The following CEP170B variants were observed in gnomAD, a reference collection of about 807,000 sequenced individuals.
CEP170B encodes centrosomal protein of 170 kDa protein B.
CEP170B carries 55 observed loss-of-function variants against 120.6 expected under a neutral mutation model. The ratio of observed to expected loss-of-function variants is 0.46; its 90% confidence interval spans 0.37 to 0.57. The LOEUF (loss-of-function observed/expected upper bound fraction) is 0.57. CEP170B is among the 20% of genes least tolerant of loss of function. CEP170B has a pLI of 0.00. For missense variants in CEP170B, 2,212 were observed against 2,253.3 expected (o/e 0.98, Z 0.37); for synonymous variants, 1,033 against 954.5 (o/e 1.08, Z -1.52).
intron 6 of CEP170B, among the ~76,000 whole-genome samples, 161 bp downstream of exon 6, chr14:104,880,586 C>T (rs1017686971): frequency 6.6e-6 from 1 of 151,996 alleles, no homozygotes; most frequent in Non-Finnish European, 1.5e-5. Flanking sequence ...ATGCACACCC[C>T]TCACCCATTG....
In CEP170B at chr14:104,896,325, GT is replaced by G. The variant is rs1382386084; in HGVS notation, c.*1368del. On this transcript the variant is annotated 3_prime_UTR_variant, in exon 19 of 19. Transcript: ENST00000414716. ...GCCCACCTGATGTTTACGTGTGTGT[GT>G]GAGGGGGGGCGGGGGTGGCAGGTGT... is the stretch of plus-strand genomic sequence containing the variant. 5.9e-6 allele frequency: 2 copies of G among 341,032 alleles called. No homozygotes were observed. The highest frequency in any genetic ancestry group is 4.3e-5 in the African/African-American group (2 of 46,414). The allele number at this position is 341,032 out of a possible 1,614,324, so 21.1% of individuals were successfully genotyped here.
rs765161625 is a variant in CEP170B at position 104,886,468 on chromosome 14, T to C, written c.2229T>C (p.Asp743=). The change falls in exon 12 of 19, where the codon GAT becomes GAC. Residue 743 remains aspartate (D), a synonymous_variant. Transcript: ENST00000414716. Reference sequence around the variant, plus strand: ...GCCTCTTCGGCCAGGAGGAGTTGGATCCTGACAGCCTCAGCGATGCCAGTG... The same window carrying C: ...GCCTCTTCGGCCAGGAGGAGTTGGACCCTGACAGCCTCAGCGATGCCAGTG... ...PSRLFGQEEL[D]PDSLSDASGS... is the part of the protein sequence containing the mutation. The C allele has an allele frequency of 1.9e-6, 3 of 1,557,344 alleles. No individual in the cohort carries two copies. Among genetic ancestry groups the C allele is most frequent in the Non-Finnish European group, 2.6e-6 (3 of 1,154,162 alleles).
chr14:104,894,992 G>C lies in CEP170B; in HGVS notation c.*34G>C. 1 of 1,496,792 alleles carries C rather than the reference G, an allele frequency of 6.7e-7. No individual in the cohort carries two copies. Among genetic ancestry groups the C allele is most frequent in the South Asian group, 1.3e-5 (1 of 75,782 alleles). 92.7% of individuals were successfully genotyped at this position (1,496,792 alleles called of 1,614,324 possible). A position where few individuals can be genotyped will look rare whatever the true frequency, so the allele number is the denominator to read the frequency against. ...CCTGGCCAGGCCAGCCTCCCTGTGC[G>C]TGTGCGTCTCTGCCTTCCGTCCGCC... On this transcript the variant is annotated 3_prime_UTR_variant, in exon 19 of 19. Transcript: ENST00000414716.
intron 13 of CEP170B, among the ~76,000 whole-genome samples, chr14:104,889,995 TAGGA>T (rs1566872642): frequency 2.6e-4 from 6 of 23,146 alleles, no homozygotes; most frequent in East Asian, 1.1e-3. Flanking sequence ...GATGGATGGA[TAGGA>T]GGGTGGGTGG....
intron 1 of CEP170B, among the ~76,000 whole-genome samples, chr14:104,866,152 C>T (rs1034519489): frequency 6.6e-6 from 1 of 152,356 alleles, no homozygotes; most frequent in Non-Finnish European, 1.5e-5. Context: ...AGCCCCGAGG[C>T]AGCCGAAGGC....
At chr14:104,889,454 C>T (rs1482346772) in intron 12 of CEP170B, 166 bp from the exon 13 acceptor site, 3 of 1,488,620 alleles carry the variant, frequency 2.0e-6, no homozygotes, top group East Asian at 5.0e-5. Flanking sequence ...CTGGGACTGC[C>T]ACAGGGTGCT....
In CEP170B at chr14:104,868,170, G is replaced by T. The variant is rs1176254675; in HGVS notation, c.-27-254G>T. Among the ~76,000 whole-genome samples the T allele has an allele frequency of 6.6e-6, 1 of 152,188 alleles. No homozygotes were observed. Among genetic ancestry groups the T allele is most frequent in the Admixed American group, 6.5e-5 (1 of 15,282 alleles). ...GAGATGAGGTGTGCTGGGGCCTGGA[G>T]GATAAGGGAGAACCAGGCAGCCTTT... On this transcript the variant is annotated intron_variant, in intron 1 of 18. Transcript: ENST00000414716. The surrounding 1 kb of genome is among the most constrained non-coding windows in gnomAD (Gnocchi z 5.9).
Position 104,885,518 on chromosome 14 carries a change from T to C in CEP170B, c.1920T>C (p.Gly640=). 1.3e-6 allele frequency: 2 copies of C among 1,565,950 alleles called. No individual in the cohort carries two copies. The highest frequency in any genetic ancestry group is 1.7e-6 in the Non-Finnish European group (2 of 1,158,672). Residue 640 remains glycine, a synonymous_variant, in exon 10 of 19, where the codon GGT becomes GGC. Transcript: ENST00000414716. ...AGGAGTTTGCCTCCCGGCCACTGGG[T>C]GCGGCCCCCCAGGCGGAGCACCAGG... The part of the protein sequence containing the change: ...LLQEFASRPL[G]AAPQAEHQGL...
At position 104,889,690 on chromosome 14, in the gene CEP170B, C is replaced by T. The variant is rs561381694; in HGVS notation, c.3810C>T (p.Asp1270=). 9.3e-6 allele frequency: 15 copies of T among 1,612,110 alleles called. No individual in the cohort carries two copies. Among genetic ancestry groups the T allele is most frequent in the African/African-American group, 1.3e-5 (1 of 74,964 alleles). ...RSRAPGPRDT[D]DDEEEPDPYG... The stretch of plus-strand genomic sequence containing the variant: ...GGGCCCCCGGCCCCCGGGACACGGA[C>T]GACGATGAGGAGGAGCCTGACCCTT... Residue 1270 remains aspartate (D), a synonymous_variant, in exon 13 of 19, where the codon GAC becomes GAT. Coordinates refer to ENST00000414716, the MANE Select transcript of CEP170B (RefSeq NM_001112726.3).
Position 104,886,489 on chromosome 14 carries a change from C to A in CEP170B, c.2250C>A (p.Ala750=). The change falls in exon 12 of 19, where the codon GCC becomes GCA. Residue 750 remains alanine (A), a synonymous_variant. Coordinates refer to ENST00000414716, the MANE Select transcript of CEP170B (RefSeq NM_001112726.3). Reference sequence around the variant, plus strand: ...TGGATCCTGACAGCCTCAGCGATGCCAGTGGGTCGGACGGGGGCCGAGGCC... The same window carrying A: ...TGGATCCTGACAGCCTCAGCGATGCAAGTGGGTCGGACGGGGGCCGAGGCC... ...EELDPDSLSD[A]SGSDGGRGPE... The A allele has an allele frequency of 6.5e-7, 1 of 1,531,722 alleles. No individual in the cohort carries two copies. 94.9% of individuals were successfully genotyped at this position (1,531,722 alleles called of 1,614,324 possible).
intron 2 of CEP170B, among the ~76,000 whole-genome samples, chr14:104,872,968 C>A (rs577137729): frequency 1.3e-5 from 2 of 152,242 alleles, no homozygotes; most frequent in Non-Finnish European, 2.9e-5. Flanking sequence ...GTTTCTGCAC[C>A]GAGTTCCGTC....
Position 104,893,605 on chromosome 14 carries a change from A to G in CEP170B, c.4121A>G (p.Asn1374Ser). The change falls in exon 15 of 19, where the codon AAC (asparagine) becomes AGC (serine). Residue 1374 changes from asparagine to serine, a missense_variant. Asn to Ser is a conservative substitution (Grantham distance 46, BLOSUM62 1). Transcript: ENST00000414716. ...GSLNSRDFDQNMNDSCEDALA... is the reference protein window; with the variant it reads ...GSLNSRDFDQSMNDSCEDALA... ...CTGAACTCTCGGGACTTTGACCAGA[A>G]CATGAACGACAGCTGTGAGGACGCC... The G allele has an allele frequency of 1.9e-6, 3 of 1,601,152 alleles. No individual in the cohort carries two copies. The highest frequency in any genetic ancestry group is 2.6e-6 in the Non-Finnish European group (3 of 1,175,080).
At position 104,893,855 on chromosome 14, in the gene CEP170B, T is replaced by G; in HGVS notation, c.4271+6T>G. ...CACCTTGCCGAGAAGATGAAGTGAG[T>G]CGGCTTCCTGGCTGAGGTGGACGCC... On this transcript the variant is annotated splice_donor_region_variant and intron_variant, in intron 16 of 18. Coordinates refer to ENST00000414716, the MANE Select transcript of CEP170B (RefSeq NM_001112726.3). The G allele has an allele frequency of 6.2e-7, 1 of 1,610,010 alleles. No homozygotes were observed. Among genetic ancestry groups the G allele is most frequent in the Non-Finnish European group, 8.5e-7 (1 of 1,178,516 alleles).
chr14:104,880,162 G>C, intron 5 of CEP170B, 125 bp from the exon 6 acceptor site: 1 of 1,325,422 alleles, frequency 7.5e-7, no homozygotes, highest in Admixed American at 2.2e-5. Context: ...GGGAGCATTA[G>C]GGAGAGCTTG....
rs1896865566 is a variant in CEP170B, at chr14:104,891,800, G to T, written c.3879-1176G>T. Among the ~76,000 whole-genome samples the T allele has an allele frequency of 6.6e-6, 1 of 152,112 alleles. No homozygotes were observed. The highest frequency in any genetic ancestry group is 1.5e-5 in the Non-Finnish European group (1 of 68,012). The stretch of plus-strand genomic sequence containing the variant: ...GCAGGAGGCCAGGGAGTGCTGGGCG[G>T]GGGCCTGAGGGCCAGGGGCATGTGC... On this transcript the variant is annotated intron_variant, in intron 13 of 18. Transcript: ENST00000414716. This position sits in a 1 kb window ranked among gnomAD's most constrained non-coding sequence, Gnocchi z 4.3.
At chr14:104,885,323 T>A in intron 9 of CEP170B, 46 bp from the exon 10 acceptor site, 1 of 1,496,636 alleles carries the variant, frequency 6.7e-7, no homozygotes, top group Non-Finnish European at 8.9e-7. Flanking sequence ...GGTTGGGAGG[T>A]GGGCTTCTCT....
chr14:104,882,629 G>C, intron 6 of CEP170B, 99 bp from the exon 7 acceptor site: 1 of 926,602 alleles, frequency 1.1e-6, no homozygotes, highest in Non-Finnish European at 1.6e-6. Flanking sequence ...TGATGCCAGG[G>C]CCTGCCCCAG....
intron 9 of CEP170B, 48 bp from the exon 10 acceptor site, chr14:104,885,321 G>T: frequency 6.7e-7 from 1 of 1,497,416 alleles, no homozygotes; most frequent in Non-Finnish European, 8.9e-7. Context: ...AGGGTTGGGA[G>T]GTGGGCTTCT....
At chr14:104,890,717 AGTG>A (rs1162729352) in intron 13 of CEP170B, among the ~76,000 whole-genome samples, 19 of 23,042 alleles carry the variant, frequency 8.2e-4, no homozygotes, top group Non-Finnish European at 8.6e-4. Flanking sequence ...TGGATGGATG[AGTG>A]GTGGGTGGAT....
Sources: gnomAD v4.1 joint callset for allele counts (sites outside exome capture counted in the v4.1 genomes callset) on GRCh38, gnomAD v4.1.1 for gene constraint, Gnocchi (gnomAD v3.1) non-coding constraint, MANE v1.5 for transcripts, NCBI Gene and HGNC (gene_info 2026-07-23, HGNC 2026-07-21) for gene names.